Variants in FBLN7 observed in about 807,000 individuals in gnomAD.
The protein encoded by FBLN7 is fibulin-7.
In FBLN7, 31 loss-of-function variants were observed where a neutral mutation model predicts 44.0. The observed-to-expected ratio is 0.70, with a 90% CI of 0.53 to 0.95. The LOEUF (loss-of-function observed/expected upper bound fraction) is 0.95. Among genes scored for constraint, FBLN7 ranks in the 40% least tolerant of loss-of-function variants. The probability of loss-of-function intolerance (pLI) is 0.00; values close to 1 mark genes in which losing one functional copy is unlikely to be tolerated. For synonymous variants in FBLN7, 262 were observed against 253.4 expected, an observed-to-expected ratio of 1.03 and a Z score of -0.32; for missense variants, 573 against 618.5, an observed-to-expected ratio of 0.93 and a Z score of 0.78.
At chr2:112,238,678 A>T in the FBLN7 span, 1 of 498,606 alleles carries the variant, frequency 2.0e-6, no homozygotes, top group Non-Finnish European at 3.3e-6. Context: ...CTCCACTCAT[A>T]TATTTGAAAA....
the FBLN7 span, among the ~76,000 whole-genome samples, chr2:112,222,163 C>T: frequency 6.6e-6 from 1 of 152,224 alleles, no homozygotes; most frequent in East Asian, 1.9e-4. Context: ...TCTCTGTGCC[C>T]ATGTTTCTTT....
intron 3 of FBLN7, among the ~76,000 whole-genome samples, chr2:112,167,778 G>C (rs1378688881): frequency 1.3e-5 from 2 of 152,144 alleles, no homozygotes; most frequent in Non-Finnish European, 1.5e-5. Flanking sequence ...AAGTGCTAAT[G>C]CATTTTGGGC....
intron 4 of FBLN7, among the ~76,000 whole-genome samples, chr2:112,180,133 T>G (rs188845401): frequency 6.6e-6 from 1 of 152,112 alleles, no homozygotes; most frequent in East Asian, 1.9e-4. Context: ...GAACTTAAAT[T>G]TACAAGAGAA....
chr2:112,244,591 G>C, the FBLN7 span, among the ~76,000 whole-genome samples: 2 of 152,112 alleles, frequency 1.3e-5, no homozygotes, highest in East Asian at 3.8e-4. Context: ...GAAGGTCTGT[G>C]GCAACCCTGC....
At chr2:112,240,988 C>A in the FBLN7 span, among the ~76,000 whole-genome samples, 1 of 134,292 alleles carries the variant, frequency 7.4e-6, no homozygotes, top group Non-Finnish European at 1.6e-5. Flanking sequence ...TGTGTGTGCG[C>A]GTGTGTATGT....
intron 1 of FBLN7, among the ~76,000 whole-genome samples, chr2:112,144,177 A>G (rs1680786373): frequency 6.6e-6 from 1 of 152,210 alleles, no homozygotes; most frequent in Non-Finnish European, 1.5e-5. Context: ...TAGCTCTCCT[A>G]CGCGTGATAT....
intron 1 of FBLN7, among the ~76,000 whole-genome samples, chr2:112,149,259 T>C (rs889662404): frequency 1.3e-5 from 2 of 151,554 alleles, no homozygotes; most frequent in Non-Finnish European, 2.9e-5. Context: ...GGGCAGTGAG[T>C]GTAAAGGGCC....
the FBLN7 span, among the ~76,000 whole-genome samples, chr2:112,206,089 A>T: frequency 1.3e-5 from 2 of 152,164 alleles, no homozygotes; most frequent in Non-Finnish European, 2.9e-5. Flanking sequence ...ACTTCCTCTT[A>T]TATGGGTTTA....
At chr2:112,213,222 G>A in the FBLN7 span, 1 of 152,026 alleles carries the variant, frequency 6.6e-6, no homozygotes, top group Non-Finnish European at 1.5e-5. Flanking sequence ...CTCCTGCCTT[G>A]GCCTCCCAAA....
At position 112,187,123 on chromosome 2, in the gene FBLN7, C is replaced by T; in HGVS notation, c.948-11C>T. 1 of 1,612,016 alleles carries T rather than the reference C, an allele frequency of 6.2e-7. No homozygotes were observed. The highest frequency in any genetic ancestry group is 2.2e-5 in the East Asian group (1 of 44,840). On this transcript the variant is annotated splice_polypyrimidine_tract_variant and intron_variant, in intron 7 of 7. Transcript: ENST00000331203. This position sits in a 1 kb window ranked among gnomAD's most constrained non-coding sequence, Gnocchi z 5.1. ...AAGGCTGACTGCCTCCATTTTGCCT[C>T]TCCGCTCCAGCCAGTGTGAGCGGAA...
the FBLN7 span, among the ~76,000 whole-genome samples, chr2:112,228,792 A>G: frequency 6.6e-6 from 1 of 152,350 alleles, no homozygotes; most frequent in Non-Finnish European, 1.5e-5. Context: ...CATTAATAAA[A>G]TAAGACAAGC....
rs776855939 is a variant in FBLN7, at chr2:112,165,148, C to T, written c.383C>T (p.Thr128Ile). ...SVVCLPNGTW[T>I]GEQPHCRGIS... ...GTGTGTCTTCCCAATGGCACCTGGA[C>T]AGGGGAGCAGCCCCACTGTAGAGGT... Residue 128 changes from threonine to isoleucine, a missense_variant, in exon 3 of 8, where the codon ACA becomes ATA. By Grantham distance (89) the Thr-to-Ile change is moderately conservative. Transcript: ENST00000331203. 6.2e-7 allele frequency: 1 copy of T among 1,614,174 alleles called. No homozygotes were observed. Among genetic ancestry groups the T allele is most frequent in the Non-Finnish European group, 8.5e-7 (1 of 1,180,010 alleles).
chr2:112,231,452 A>G, the FBLN7 span, among the ~76,000 whole-genome samples: 1 of 152,208 alleles, frequency 6.6e-6, no homozygotes, highest in African/African-American at 2.4e-5. Flanking sequence ...TGAAATTACT[A>G]CTTAACTATT....
the FBLN7 span, among the ~76,000 whole-genome samples, chr2:112,198,653 A>G: frequency 6.6e-6 from 1 of 151,794 alleles, no homozygotes; most frequent in Non-Finnish European, 1.5e-5. Context: ...GAAAGAAAGA[A>G]AGAAAGAAAG....
In FBLN7 at chr2:112,138,713, G is replaced by A; in HGVS notation, c.58G>A (p.Glu20Lys). The A allele has an allele frequency of 6.2e-7, 1 of 1,612,888 alleles. No homozygotes were observed. Among genetic ancestry groups the A allele is most frequent in the Non-Finnish European group, 8.5e-7 (1 of 1,179,784 alleles). The change falls in exon 1 of 8, where the codon GAG becomes AAG. Residue 20 changes from glutamate to lysine, a missense_variant. Physicochemically the swap from Glu to Lys is moderately conservative, Grantham distance 56. Coordinates refer to ENST00000331203, the MANE Select transcript of FBLN7 (RefSeq NM_153214.3). ...FLLLLILACP[E>K]PRASQNCLSK... The stretch of plus-strand genomic sequence containing the variant: ...TCTGCTCCTGATCCTCGCCTGCCCC[G>A]AGCCGCGGGCTTCCCAGGTCAGTGT...
intron 6 of FBLN7, among the ~76,000 whole-genome samples, chr2:112,184,045 A>G (rs1377143922): frequency 1.3e-5 from 2 of 152,206 alleles, no homozygotes; most frequent in African/African-American, 2.4e-5. Flanking sequence ...GCTGAGTCAG[A>G]GCACACATCT....
chr2:112,188,893 G>T (rs1460363911), downstream of FBLN7: 1 of 152,230 alleles, frequency 6.6e-6, no homozygotes, highest in African/African-American at 2.4e-5. Context: ...AAAGTTACAA[G>T]ACTTCATTAA....
At chr2:112,216,646 C>G in the FBLN7 span, among the ~76,000 whole-genome samples, 1 of 142,656 alleles carries the variant, frequency 7.0e-6, no homozygotes, top group Non-Finnish European at 1.5e-5. Context: ...AAAGAACATT[C>G]TGAATTGAAA....
At chr2:112,243,741 C>T in the FBLN7 span, among the ~76,000 whole-genome samples, 1 of 152,046 alleles carries the variant, frequency 6.6e-6, no homozygotes, top group Non-Finnish European at 1.5e-5. Context: ...CCTTAAAAAC[C>T]TAAAATATTT....
Sources: allele counts gnomAD v4.1 joint callset (sites outside exome capture counted in the v4.1 genomes callset), GRCh38; gene constraint gnomAD v4.1.1; non-coding constraint Gnocchi (gnomAD v3.1); transcripts MANE v1.5; gene names NCBI Gene and HGNC (gene_info 2026-07-23, HGNC 2026-07-21).